FAM135A: variants seen among roughly 807,000 people sequenced by gnomAD.
FAM135A encodes the protein protein FAM135A.
FAM135A carries 79 observed loss-of-function variants against 146.8 expected under a neutral mutation model. The observed-to-expected ratio is 0.54, with a 90% CI of 0.45 to 0.65. The LOEUF (loss-of-function observed/expected upper bound fraction) is 0.65, where lower values mean the gene tolerates loss of function less well. Ranked by LOEUF, FAM135A falls within the 30% of genes least tolerant of loss-of-function variation. The pLI is 0.00. For missense variants in FAM135A, 1,623 were observed against 1,758.2 expected, an observed-to-expected ratio of 0.92 and a Z score of 1.38; for synonymous variants, 562 against 603.6, an observed-to-expected ratio of 0.93 and a Z score of 1.01.
At chr6:70,446,068 T>C (rs1313873319) in intron 4 of FAM135A, among the ~76,000 whole-genome samples, 1 of 152,222 alleles carries the variant, frequency 6.6e-6, no homozygotes, top group Non-Finnish European at 1.5e-5. Flanking sequence ...TGCTAATCTG[T>C]CTGCAGCTCC....
intron 2 of FAM135A, among the ~76,000 whole-genome samples, chr6:70,421,176 G>T (rs896667141): frequency 3.3e-5 from 5 of 151,960 alleles, no homozygotes; most frequent in African/African-American, 9.7e-5. Flanking sequence ...GAGCCACCAC[G>T]CCTGGCCCAC....
At chr6:70,498,160 T>C (rs1329571500) in intron 11 of FAM135A, among the ~76,000 whole-genome samples, 1 of 152,236 alleles carries the variant, frequency 6.6e-6, no homozygotes, top group Non-Finnish European at 1.5e-5. Flanking sequence ...GACCTTGTTA[T>C]TGGCCTATTC....
intron 11 of FAM135A, among the ~76,000 whole-genome samples, chr6:70,491,682 A>C (rs1786009621): frequency 6.6e-6 from 1 of 151,936 alleles, no homozygotes; most frequent in African/African-American, 2.4e-5. Context: ...AGACCTGTTC[A>C]AAAAGGTATT....
intron 10 of FAM135A, chr6:70,486,224 C>T: frequency 6.2e-7 from 1 of 1,613,728 alleles, no homozygotes; most frequent in Non-Finnish European, 8.5e-7. Flanking sequence ...CAGCTACGAA[C>T]ACAGAAAGAC....
In FAM135A at chr6:70,501,437, G is replaced by A. The variant is rs528301623; in HGVS notation, c.874-1199G>A. ...ATTCCTAGCTTGCTGGGCTCCGTGG[G>A]AGAGGGACCCGCTGAGAGAGACCAC... On this transcript the variant is annotated intron_variant, in intron 11 of 21. Coordinates refer to ENST00000418814, the MANE Select transcript of FAM135A (RefSeq NM_001162529.3). Among the ~76,000 whole-genome samples, 4 of 152,292 alleles carry A rather than the reference G, an allele frequency of 2.6e-5. No homozygotes were observed. The East Asian group carries it at 7.7e-4, about 29-fold the overall frequency.
rs563331083 is a variant in FAM135A, at chr6:70,518,393, T to C, written c.1030-4120T>C. ...AGGAAGTCTCCATAACATAAAAGTG[T>C]GAGGTAAGGCAGCAAGTTCTGATGG... On this transcript the variant is annotated intron_variant, in intron 12 of 21. Transcript: ENST00000418814. Among the ~76,000 whole-genome samples, 3 of 152,260 alleles carry C rather than the reference T, an allele frequency of 2.0e-5. No individual in the cohort carries two copies. The East Asian group carries it at 5.8e-4, about 29-fold the overall frequency.
intron 20 of FAM135A, among the ~76,000 whole-genome samples, chr6:70,556,068 G>C (rs1800773915): frequency 6.6e-6 from 1 of 151,938 alleles, no homozygotes; most frequent in South Asian, 2.1e-4. Flanking sequence ...GGCCAATATG[G>C]TGAAACCCCA....
intron 11 of FAM135A, among the ~76,000 whole-genome samples, chr6:70,496,897 T>C (rs963036022): frequency 6.6e-6 from 1 of 152,200 alleles, no homozygotes; most frequent in Non-Finnish European, 1.5e-5. Flanking sequence ...TATGCTGTTT[T>C]GGTTACTGTA....
chr6:70,451,261 A>G (rs1283967796), intron 4 of FAM135A, among the ~76,000 whole-genome samples: 1 of 152,214 alleles, frequency 6.6e-6, no homozygotes, highest in African/African-American at 2.4e-5. Flanking sequence ...CATGGTCTCT[A>G]TGCGGAGGAA....
chr6:70,524,850 A>G lies in FAM135A; in HGVS notation c.1766A>G (p.Asp589Gly). 1 of 1,597,114 alleles carries G rather than the reference A, an allele frequency of 6.3e-7. No individual in the cohort carries two copies. Among genetic ancestry groups the G allele is most frequent in the Non-Finnish European group, 8.5e-7 (1 of 1,171,264 alleles). ...NTERTEQKSP[D>G]IENVQPDQFD... ...GAGAGAACTGAACAAAAGTCTCCAG[A>G]TATTGAAAATGTTCAACCAGACCAG... Residue 589 changes from aspartate to glycine, a missense_variant, in exon 15 of 22, where the codon GAT becomes GGT. Asp to Gly is a moderately conservative substitution (Grantham distance 94, BLOSUM62 -1). Around this residue, in one of 7 missense-constraint regions of FAM135A, gnomAD observed 1,061 missense variants for 1,113.8 expected, o/e 0.95. Transcript: ENST00000418814.
chr6:70,415,034 C>T (rs145030915), intron 1 of FAM135A, among the ~76,000 whole-genome samples: 28 of 152,302 alleles, frequency 1.8e-4, no homozygotes, highest in African/African-American at 5.5e-4. Flanking sequence ...CTGAGAGTCT[C>T]TGTTCTCTAA....
intron 8 of FAM135A, 51 bp downstream of exon 8, chr6:70,477,383 G>C (rs764575625): frequency 6.4e-7 from 1 of 1,562,660 alleles, no homozygotes. Flanking sequence ...CTGCAATAAA[G>C]AAATACCTGA....
chr6:70,510,240 A>T (rs1467139168), intron 12 of FAM135A, among the ~76,000 whole-genome samples: 1 of 145,278 alleles, frequency 6.9e-6, no homozygotes, highest in African/African-American at 2.6e-5. Flanking sequence ...CTGTTTCCTA[A>T]GATTTAATTT....
rs1794139651 is a variant in FAM135A at position 70,523,863 on chromosome 6, TGAGGGATA to T, written c.1104-102_1104-95del. 2.7e-6 allele frequency: 3 copies of T among 1,128,172 alleles called. No homozygotes were observed. The Admixed American group carries it at 8.4e-5, about 32-fold the overall frequency. 69.9% of individuals were successfully genotyped at this position (1,128,172 alleles called of 1,614,324 possible). Reference sequence around the variant, plus strand: ...TCATAAGAAGGTTATGTCTTGCAGATGAGGGATAGGAATTGAGGAGGGAAGGGGAAAGG... The same window carrying T: ...TCATAAGAAGGTTATGTCTTGCAGATGGAATTGAGGAGGGAAGGGGAAAGG... On this transcript the variant is annotated intron_variant, in intron 13 of 21. Transcript: ENST00000418814.
At chr6:70,494,362 G>T (rs1786740759) in intron 11 of FAM135A, among the ~76,000 whole-genome samples, 2 of 151,786 alleles carry the variant, frequency 1.3e-5, no homozygotes, top group Admixed American at 1.3e-4. Context: ...AGACACAGTG[G>T]CACACAATTG....
intron 11 of FAM135A, among the ~76,000 whole-genome samples, chr6:70,497,197 C>T (rs1787480990): frequency 6.6e-6 from 1 of 152,102 alleles, no homozygotes. Flanking sequence ...TTGTATTTCT[C>T]CTTGAAGAGG....
intron 5 of FAM135A, among the ~76,000 whole-genome samples, chr6:70,456,665 A>G (rs1389765306): frequency 6.6e-6 from 1 of 152,246 alleles, no homozygotes; most frequent in East Asian, 1.9e-4. Context: ...GTGTTTCATT[A>G]AAGACTATTT....
chr6:70,538,405 A>C lies in FAM135A; in HGVS notation c.4228+4A>C, dbSNP rs781763853. ...TATAAGCTTAGTAACAAAGCAGGTA[A>C]GTATATAATAACAGTTTGGAAAATA... On this transcript the variant is annotated splice_donor_region_variant and intron_variant, in intron 20 of 21. Transcript: ENST00000418814. 1 of 1,435,602 alleles carries C rather than the reference A, an allele frequency of 7.0e-7. No homozygotes were observed. Among genetic ancestry groups the C allele is most frequent in the Non-Finnish European group, 9.3e-7 (1 of 1,079,122 alleles). 88.9% of individuals were successfully genotyped at this position (1,435,602 alleles called of 1,614,324 possible).
intron 10 of FAM135A, among the ~76,000 whole-genome samples, chr6:70,490,230 G>C (rs969096523): frequency 6.6e-6 from 1 of 152,078 alleles, no homozygotes; most frequent in South Asian, 2.1e-4. Flanking sequence ...TGGGAATTTT[G>C]TATGATTATA....
Sources: allele counts gnomAD v4.1 joint callset (sites outside exome capture counted in the v4.1 genomes callset), GRCh38; gene constraint gnomAD v4.1.1; regional missense constraint gnomAD v4.1.1; transcripts MANE v1.5; gene names NCBI Gene and HGNC (gene_info 2026-07-23, HGNC 2026-07-21).